The following SLC2A5 variants were observed in gnomAD, a reference collection of about 807,000 sequenced individuals.
The protein encoded by SLC2A5 is solute carrier family 2, facilitated glucose transporter member 5.
A neutral mutation model predicts 50.3 loss-of-function variants in SLC2A5; 56 were observed. The ratio of observed to expected loss-of-function variants is 1.11; its 90% CI spans 0.90 to 1.39. SLC2A5 has a LOEUF of 1.39. SLC2A5 is among the 40% of genes most tolerant of loss of function. The probability of loss-of-function intolerance (pLI) is 0.00; values close to 1 mark genes in which losing one functional copy is unlikely to be tolerated. For missense variants in SLC2A5, 566 were observed against 650.1 expected (o/e 0.87, Z 1.41); for synonymous variants, 269 against 281.9 (o/e 0.95, Z 0.46).
intron 1 of SLC2A5, among the ~76,000 whole-genome samples, chr1:9,066,907 C>T (rs1241843018): frequency 6.6e-6 from 1 of 151,332 alleles, no homozygotes; most frequent in Non-Finnish European, 1.5e-5. Context: ...GAGCCCCGGA[C>T]TTCAAGGCCG....
At chr1:9,080,363 T>G (rs1301596281) in intron 2 of SLC2A5, among the ~76,000 whole-genome samples, 2 of 152,238 alleles carry the variant, frequency 1.3e-5, no homozygotes, top group Admixed American at 1.3e-4. Context: ...ATAATTCTAT[T>G]TTTAATTTTT....
chr1:9,076,844 C>G (rs1402305121), intron 2 of SLC2A5, among the ~76,000 whole-genome samples: 1 of 151,546 alleles, frequency 6.6e-6, no homozygotes, highest in Non-Finnish European at 1.5e-5. Context: ...GACTGGAATG[C>G]AGTGGCGTGA....
chr1:9,065,782 G>C (rs1316361017), intron 1 of SLC2A5, among the ~76,000 whole-genome samples: 2 of 152,170 alleles, frequency 1.3e-5, no homozygotes, highest in Non-Finnish European at 2.9e-5. Context: ...AGGATGGCTT[G>C]AGCCCAGGAG....
intron 3 of SLC2A5, among the ~76,000 whole-genome samples, chr1:9,047,961 CAGT>C (rs1364493610): frequency 6.6e-6 from 1 of 152,134 alleles, no homozygotes; most frequent in Admixed American, 6.6e-5. Context: ...CAGAGGGCGT[CAGT>C]GGTGAAAATG....
At position 9,042,022 on chromosome 1, in the gene SLC2A5, T is replaced by C. The variant is rs959236189; in HGVS notation, c.419-85A>G. On this transcript the variant is annotated intron_variant, in intron 4 of 11. Coordinates refer to ENST00000377424, the MANE Select transcript of SLC2A5 (RefSeq NM_003039.3). ...TCTTCAAGTATACTATTCTTAGCAA[T>C]AACATTATTTGGGCCAGAACTCTCT... 2.1e-5 allele frequency: 30 copies of C among 1,445,880 alleles called. No homozygotes were observed. The African/African-American group carries it at 2.6e-4, about 12-fold the overall frequency. 89.6% of individuals were successfully genotyped at this position (1,445,880 alleles called of 1,614,324 possible). A position where few individuals can be genotyped will look rare whatever the true frequency, so the allele number is the denominator to read the frequency against.
intron 3 of SLC2A5, among the ~76,000 whole-genome samples, chr1:9,053,142 TG>T (rs1473549045): frequency 4.0e-5 from 3 of 74,156 alleles, no homozygotes; most frequent in African/African-American, 1.6e-4. Flanking sequence ...TATATTTATA[TG>T]TTAATATATA....
chr1:9,039,343 G>A (rs530758136), intron 8 of SLC2A5, among the ~76,000 whole-genome samples: 2 of 152,336 alleles, frequency 1.3e-5, no homozygotes, highest in South Asian at 4.1e-4. Flanking sequence ...CCTACATCCC[G>A]GTCAGGTGGT....
chr1:9,043,744 C>T (rs527372376), intron 4 of SLC2A5, among the ~76,000 whole-genome samples: 201 of 149,056 alleles, frequency 1.3e-3, no homozygotes, highest in African/African-American at 4.6e-3. Context: ...TTTCGAGATG[C>T]GAGTTTCGCT....
chr1:9,049,574 G>A (rs186005388), intron 3 of SLC2A5, among the ~76,000 whole-genome samples: 1 of 151,950 alleles, frequency 6.6e-6, no homozygotes, highest in Admixed American at 6.6e-5. Context: ...CTACAGCCAC[G>A]CACCTCTAAT....
At chr1:9,056,632 CTCTT>C (rs913810310) in intron 3 of SLC2A5, among the ~76,000 whole-genome samples, 11 of 152,196 alleles carry the variant, frequency 7.2e-5, no homozygotes, top group African/African-American at 2.6e-4. Flanking sequence ...CTCTAAAATT[CTCTT>C]TCTAACTAGG....
At chr1:9,049,999 C>T (rs528851069) in intron 3 of SLC2A5, among the ~76,000 whole-genome samples, 1 of 151,274 alleles carries the variant, frequency 6.6e-6, no homozygotes, top group African/African-American at 2.4e-5. Flanking sequence ...TGGCCAGGCG[C>T]AGTGGCTCAC....
chr1:9,039,680 G>C lies in SLC2A5; in HGVS notation c.886-18C>G, dbSNP rs1641242291. 6.6e-7 allele frequency: 1 copy of C among 1,504,388 alleles called. No individual in the cohort carries two copies. Among genetic ancestry groups the C allele is most frequent in the Non-Finnish European group, 8.9e-7 (1 of 1,124,624 alleles). The allele number at this position is 1,504,388 out of a possible 1,614,324, so 93.2% of individuals were successfully genotyped here. A position where few individuals can be genotyped will look rare whatever the true frequency, so the allele number is the denominator to read the frequency against. On this transcript the variant is annotated intron_variant, in intron 7 of 11. Coordinates refer to ENST00000377424, the MANE Select transcript of SLC2A5 (RefSeq NM_003039.3). Reference sequence around the variant, plus strand: ...TAGTAGATCTGCAAGGCAAGCGCGGGGCTGGGCGGCTGCCCGGAGGAGGCG... The same window carrying C: ...TAGTAGATCTGCAAGGCAAGCGCGGCGCTGGGCGGCTGCCCGGAGGAGGCG...
At chr1:9,055,240 G>A (rs1477679412) in intron 3 of SLC2A5, among the ~76,000 whole-genome samples, 3 of 151,968 alleles carry the variant, frequency 2.0e-5, no homozygotes, top group African/African-American at 2.4e-5. Context: ...GGGATTAGCC[G>A]GGTGCGGTGG....
Position 9,056,650 on chromosome 1 carries a change from T to C in SLC2A5, c.293+798A>G, listed in dbSNP as rs546442676. Among the ~76,000 whole-genome samples, 8 of 152,260 alleles carry C rather than the reference T, an allele frequency of 5.3e-5. No homozygotes were observed. The East Asian group carries it at 1.2e-3, about 22-fold the overall frequency. ...TAAAATTCTCTTTCTAACTAGGTCT[T>C]CCATAATGTCCATGGAATTTATACG... On this transcript the variant is annotated intron_variant, in intron 3 of 11. Transcript: ENST00000377424.
intron 1 of SLC2A5, among the ~76,000 whole-genome samples, chr1:9,063,718 G>A (rs1258520262): frequency 5.6e-5 from 5 of 88,646 alleles, no homozygotes; most frequent in Non-Finnish European, 1.0e-4. Context: ...TTTTTGAGAC[G>A]GAGTCTTCGC....
In SLC2A5 at chr1:9,057,627, C is replaced by G; in HGVS notation, c.133-19G>C. 6.2e-7 allele frequency: 1 copy of G among 1,604,886 alleles called. No homozygotes were observed. On this transcript the variant is annotated intron_variant, in intron 2 of 11. Transcript: ENST00000377424. ...GCATGAGCTAGGAGACAAAGCAAAA[C>G]AGAACACCAAAATAATTTGATCCGG...
Position 9,040,648 on chromosome 1 carries a change from G to T in SLC2A5, c.572-459C>A, listed in dbSNP as rs972633724. ...TATCGTTAACATTCCACATAGAGGG[G>T]ACACATGGGCTGGCTGCATTGGTAC... On this transcript the variant is annotated intron_variant, in intron 5 of 11. Transcript: ENST00000377424. This position sits in a 1 kb window ranked among gnomAD's most constrained non-coding sequence, Gnocchi z 4.3. The T allele has an allele frequency of 5.0e-5, 8 of 161,554 alleles. No individual in the cohort carries two copies. Among genetic ancestry groups the T allele is most frequent in the Non-Finnish European group, 1.1e-4 (8 of 74,064 alleles). The allele number at this position is 161,554 out of a possible 1,614,324, so 10.0% of individuals were successfully genotyped here.
chr1:9,079,330 G>A (rs537683965), intron 2 of SLC2A5, among the ~76,000 whole-genome samples: 5 of 152,086 alleles, frequency 3.3e-5, no homozygotes, highest in South Asian at 2.1e-4. Flanking sequence ...ATTTGACCTC[G>A]CCTATCAGAG....
chr1:9,078,460 G>A (rs1475520048), intron 2 of SLC2A5, among the ~76,000 whole-genome samples: 2 of 152,174 alleles, frequency 1.3e-5, no homozygotes, highest in Admixed American at 6.5e-5. Flanking sequence ...GACAGGAGGC[G>A]GGAAAGGGAG....
Sources: gnomAD v4.1 joint callset for allele counts (sites outside exome capture counted in the v4.1 genomes callset) on GRCh38, gnomAD v4.1.1 for gene constraint, Gnocchi (gnomAD v3.1) non-coding constraint, MANE v1.5 for transcripts, NCBI Gene and HGNC (gene_info 2026-07-23, HGNC 2026-07-21) for gene names.